SESN3: variants seen among roughly 807,000 people sequenced by gnomAD.
SESN3 encodes sestrin 3.
A neutral mutation model predicts 55.3 loss-of-function variants in SESN3; 21 were observed. That is an observed-to-expected ratio of 0.38 (90% CI 0.27 to 0.55). The LOEUF (loss-of-function observed/expected upper bound fraction) is 0.55, where lower values mean the gene tolerates loss of function less well. Among genes scored for constraint, SESN3 ranks in the 20% least tolerant of loss-of-function variants. The pLI is 0.76. For missense variants in SESN3, 408 were observed against 604.3 expected, an observed-to-expected ratio of 0.68 and a Z score of 3.41; for synonymous variants, 181 against 203.1, an observed-to-expected ratio of 0.89 and a Z score of 0.93.
intron 1 of SESN3, among the ~76,000 whole-genome samples, chr11:95,197,813 A>G (rs991435614): frequency 3.3e-5 from 5 of 152,158 alleles, no homozygotes; most frequent in Non-Finnish European, 7.4e-5. Flanking sequence ...GGCACAGGAT[A>G]CGAAAATGAG....
At chr11:95,224,677 A>C (rs1354361828) in intron 1 of SESN3, among the ~76,000 whole-genome samples, 1 of 152,210 alleles carries the variant, frequency 6.6e-6, no homozygotes, top group Non-Finnish European at 1.5e-5. Context: ...CTTTAAGGCT[A>C]CTGGTGACAG....
intron 1 of SESN3, among the ~76,000 whole-genome samples, chr11:95,228,120 C>T (rs567304341): frequency 2.6e-5 from 4 of 152,176 alleles, no homozygotes; most frequent in South Asian, 2.1e-4. Context: ...AAATCAAAAC[C>T]GTAAACGGAC....
chr11:95,232,080 T>C (rs750068047), upstream of SESN3: 1 of 152,290 alleles, frequency 6.6e-6, no homozygotes, highest in Non-Finnish European at 1.5e-5. Context: ...TTCGGATACA[T>C]GCAGAGCACA....
At chr11:95,174,301 T>C (rs948031996) in intron 9 of SESN3, among the ~76,000 whole-genome samples, 1 of 152,234 alleles carries the variant, frequency 6.6e-6, no homozygotes, top group African/African-American at 2.4e-5. Context: ...TTAAAAGTCC[T>C]AGGACTTAAG....
chr11:95,179,127 T>C (rs984476714), intron 6 of SESN3, among the ~76,000 whole-genome samples: 40 of 151,936 alleles, frequency 2.6e-4, no homozygotes, highest in Non-Finnish European at 5.9e-5. Context: ...GAATGGAAGA[T>C]AGCATAGGCC....
At chr11:95,219,294 A>G (rs937165262) in intron 1 of SESN3, among the ~76,000 whole-genome samples, 4 of 152,206 alleles carry the variant, frequency 2.6e-5, no homozygotes, top group African/African-American at 9.6e-5. Context: ...ATCTTACTTT[A>G]GCTTAAATGC....
chr11:95,189,765 G>C lies in SESN3; in HGVS notation c.525+14C>G. The C allele has an allele frequency of 6.4e-7, 1 of 1,563,678 alleles. No individual in the cohort carries two copies. Among genetic ancestry groups the C allele is most frequent in the East Asian group, 2.3e-5 (1 of 44,018 alleles). ...TAAGCAAATTCCTTTTTATTTCAAA[G>C]AAACATTCAGTACCTGAATGTGCTC... On this transcript the variant is annotated intron_variant, in intron 4 of 9. Transcript: ENST00000536441.
At chr11:95,203,429 C>T (rs1860493937) in intron 1 of SESN3, among the ~76,000 whole-genome samples, 1 of 152,132 alleles carries the variant, frequency 6.6e-6, no homozygotes, top group African/African-American at 2.4e-5. Context: ...CCCAGGATCA[C>T]AACTGTGTAA....
At chr11:95,189,237 C>T (rs1037476626) in intron 4 of SESN3, among the ~76,000 whole-genome samples, 1 of 151,904 alleles carries the variant, frequency 6.6e-6, no homozygotes, top group African/African-American at 2.4e-5. Context: ...AATACAAGTG[C>T]TCTTAGTCAA....
chr11:95,178,954 G>C (rs970188163), intron 6 of SESN3, 126 bp from the exon 7 acceptor site: 1 of 568,660 alleles, frequency 1.8e-6, no homozygotes, highest in Non-Finnish European at 3.1e-6. Context: ...CATGGACTCC[G>C]TGACTTTATA....
intron 1 of SESN3, among the ~76,000 whole-genome samples, chr11:95,222,473 G>A (rs984423199): frequency 5.3e-5 from 8 of 151,798 alleles, no homozygotes; most frequent in Non-Finnish European, 1.2e-4. Context: ...ACATATTTTG[G>A]AAAATGAGAA....
At chr11:95,199,134 A>G (rs144967488) in intron 1 of SESN3, among the ~76,000 whole-genome samples, 1 of 152,216 alleles carries the variant, frequency 6.6e-6, no homozygotes, top group Non-Finnish European at 1.5e-5. Flanking sequence ...AAGGAATGTA[A>G]AAGTACTTAA....
At chr11:95,193,725 T>C (rs993024732) in intron 1 of SESN3, among the ~76,000 whole-genome samples, 2 of 152,092 alleles carry the variant, frequency 1.3e-5, no homozygotes, top group Admixed American at 6.6e-5. Flanking sequence ...CCTACCATAG[T>C]GCTAAGTGCA....
chr11:95,224,463 T>C (rs1860913340), intron 1 of SESN3: 1 of 442,114 alleles, frequency 2.3e-6, no homozygotes, highest in Non-Finnish European at 4.5e-6. Flanking sequence ...TTGTCCATTA[T>C]GCTCTAATTG....
chr11:95,189,728 A>G (rs776627705), intron 4 of SESN3, 51 bp downstream of exon 4: 1 of 1,350,490 alleles, frequency 7.4e-7, no homozygotes, highest in Non-Finnish European at 1.0e-6. Flanking sequence ...ACACATATTT[A>G]AAATTAAGTC....
In SESN3 at chr11:95,171,467, T is replaced by C. The variant is rs189850569; in HGVS notation, c.*1788A>G. On this transcript the variant is annotated 3_prime_UTR_variant, in exon 10 of 10. Coordinates refer to ENST00000536441, the MANE Select transcript of SESN3 (RefSeq NM_144665.4). ...ATGTTAATAAGTATACAGTCATATT[T>C]GTTTTCCTATCTGGAACAAAATCTA... is the stretch of plus-strand genomic sequence containing the variant. The C allele has an allele frequency of 6.6e-6, 1 of 152,294 alleles. No individual in the cohort carries two copies. The highest frequency in any genetic ancestry group is 2.4e-5 in the African/African-American group (1 of 41,584). 9.4% of individuals were successfully genotyped at this position (152,294 alleles called of 1,614,324 possible). A position where few individuals can be genotyped will look rare whatever the true frequency, so the allele number is the denominator to read the frequency against.
intron 1 of SESN3, among the ~76,000 whole-genome samples, chr11:95,220,189 T>C (rs1371788661): frequency 6.6e-6 from 1 of 152,146 alleles, no homozygotes; most frequent in Non-Finnish European, 1.5e-5. Context: ...CAACATATAA[T>C]GAAAGCCAAA....
chr11:95,183,977 G>A (rs1860112553), intron 6 of SESN3, among the ~76,000 whole-genome samples: 1 of 152,076 alleles, frequency 6.6e-6, no homozygotes, highest in Non-Finnish European at 1.5e-5. Flanking sequence ...TGCAAATGCA[G>A]TGTAATTTTA....
At chr11:95,199,079 A>G (rs1002667485) in intron 1 of SESN3, among the ~76,000 whole-genome samples, 18 of 152,124 alleles carry the variant, frequency 1.2e-4, no homozygotes, top group African/African-American at 4.1e-4. Context: ...CACTAACTAA[A>G]AAGAATGAAA....
Sources: gnomAD v4.1 joint callset for allele counts (sites outside exome capture counted in the v4.1 genomes callset) on GRCh38, gnomAD v4.1.1 for gene constraint, MANE v1.5 for transcripts, NCBI Gene and HGNC (gene_info 2026-07-23, HGNC 2026-07-21) for gene names.